Variants in NRG3 observed in about 807,000 individuals in gnomAD.
NRG3 encodes neuregulin 3.
NRG3 carries 31 observed loss-of-function variants against 66.9 expected under a neutral mutation model. That is an observed-to-expected ratio of 0.46 (90% CI 0.35 to 0.63). The LOEUF is 0.63. NRG3 is among the 20% of genes least tolerant of loss of function. The pLI, the probability that NRG3 is intolerant of heterozygous loss-of-function variation, is 0.00. For missense variants in NRG3, 910 were observed against 878.9 expected, an observed-to-expected ratio of 1.04 and a Z score of -0.45; for synonymous variants, 393 against 359.4, an observed-to-expected ratio of 1.09 and a Z score of -1.06.
rs2080975558 is a variant in NRG3, at chr10:82,310,710, T to G, written c.824-48029T>G. Reference sequence around the variant, plus strand: ...TCTATCCAGGGAGGGCGACTACATTTTTGGCAGGGACAAGATACAAAAACT... The same window carrying G: ...TCTATCCAGGGAGGGCGACTACATTGTTGGCAGGGACAAGATACAAAAACT... On this transcript the variant is annotated intron_variant, in intron 1 of 8. Coordinates refer to ENST00000372141, the MANE Select transcript of NRG3 (RefSeq NM_001010848.4). Among the ~76,000 whole-genome samples the G allele has an allele frequency of 2.0e-5, 3 of 152,152 alleles. No homozygotes were observed. The South Asian group carries it at 6.2e-4, about 32-fold the overall frequency.
At chr10:82,379,809 A>G (rs535034871) in intron 2 of NRG3, among the ~76,000 whole-genome samples, 36 of 151,984 alleles carry the variant, frequency 2.4e-4, no homozygotes, top group African/African-American at 8.7e-4. Flanking sequence ...ATTGTAGGAG[A>G]AAACTTCAAG....
rs142160341 is a variant in NRG3, at chr10:82,885,540, G to T, written c.1054+20103G>T. The stretch of plus-strand genomic sequence containing the variant: ...TTGAGTTTGTAAAGCTTCTGGTTAT[G>T]TAAAAGTGAGACTGAAGTAATTAAG... On this transcript the variant is annotated intron_variant, in intron 4 of 8. Transcript: ENST00000372141. Among the ~76,000 whole-genome samples the T allele has an allele frequency of 3.3e-3, 508 of 152,312 alleles. 5 individuals are homozygous for T. The highest frequency in any genetic ancestry group is 0.012 in the African/African-American group (488 of 41,572).
intron 2 of NRG3, among the ~76,000 whole-genome samples, chr10:82,494,820 A>T (rs1843466955): frequency 6.6e-6 from 1 of 152,182 alleles, no homozygotes; most frequent in South Asian, 2.1e-4. Flanking sequence ...CAGAAATTGT[A>T]TGAGCAGTTT....
chr10:81,952,816 G>A (rs1179842756), intron 1 of NRG3, among the ~76,000 whole-genome samples: 10 of 151,774 alleles, frequency 6.6e-5, no homozygotes, highest in Non-Finnish European at 1.2e-4. Flanking sequence ...TTGCTATGTT[G>A]CCCAGGGTGG....
At chr10:82,008,478 T>C (rs892718528) in intron 1 of NRG3, among the ~76,000 whole-genome samples, 2 of 152,222 alleles carry the variant, frequency 1.3e-5, no homozygotes, top group Admixed American at 1.3e-4. Context: ...CAAATATCTG[T>C]TGAATGTCCC....
At chr10:82,658,519 G>A (rs1272494684) in intron 2 of NRG3, among the ~76,000 whole-genome samples, 1 of 151,256 alleles carries the variant, frequency 6.6e-6, no homozygotes, top group Non-Finnish European at 1.5e-5. Flanking sequence ...CTTCTATTCA[G>A]AATTGTGAAT....
At chr10:82,401,010 A>C (rs1431789204) in intron 2 of NRG3, among the ~76,000 whole-genome samples, 1 of 152,170 alleles carries the variant, frequency 6.6e-6, no homozygotes, top group Non-Finnish European at 1.5e-5. Flanking sequence ...AGATGTGCAC[A>C]AGGATGACTA....
chr10:82,640,809 C>A (rs995106444), intron 2 of NRG3, among the ~76,000 whole-genome samples: 1 of 152,000 alleles, frequency 6.6e-6, no homozygotes, highest in African/African-American at 2.4e-5. Context: ...AAATAAGGTG[C>A]ATTATTAATA....
intron 4 of NRG3, among the ~76,000 whole-genome samples, chr10:82,948,333 C>A (rs755745468): frequency 7.2e-5 from 11 of 152,044 alleles, no homozygotes; most frequent in Non-Finnish European, 1.5e-4. Flanking sequence ...TATAAGAAAT[C>A]TTGAAATAAA....
intron 1 of NRG3, among the ~76,000 whole-genome samples, chr10:81,884,414 GTCT>G (rs1245472478): frequency 6.6e-6 from 1 of 152,138 alleles, no homozygotes; most frequent in African/African-American, 2.4e-5. Context: ...TCTGAATGTT[GTCT>G]TCTTGTTTAT....
chr10:82,330,454 A>G (rs1181583954), intron 1 of NRG3, among the ~76,000 whole-genome samples: 1 of 152,198 alleles, frequency 6.6e-6, no homozygotes, highest in Non-Finnish European at 1.5e-5. Flanking sequence ...ACCTTTGACA[A>G]CTGCATGAAA....
In NRG3 at chr10:81,877,995, T is replaced by C. The variant is rs778829062; in HGVS notation, c.823+1832T>C. The C allele has an allele frequency of 6.6e-5, 101 of 1,537,614 alleles. 2 individuals carry two copies. The highest frequency in any genetic ancestry group is 4.1e-5 in the Non-Finnish European group (47 of 1,146,978). ...GGTATACCTCCAACCCTTGTATGCG[T>C]TGGGAGAGGAGGGGGACTACACACG... On this transcript the variant is annotated intron_variant, in intron 1 of 8. Coordinates refer to ENST00000372141, the MANE Select transcript of NRG3 (RefSeq NM_001010848.4).
chr10:82,458,069 C>CTGAG (rs2091353368), intron 2 of NRG3, among the ~76,000 whole-genome samples: 1 of 152,176 alleles, frequency 6.6e-6, no homozygotes, highest in Admixed American at 6.5e-5. Context: ...TGCCACTGGG[C>CTGAG]CTCAGGCCCT....
chr10:82,115,811 G>C (rs1317206750), intron 1 of NRG3, among the ~76,000 whole-genome samples: 1 of 152,078 alleles, frequency 6.6e-6, no homozygotes, highest in Non-Finnish European at 1.5e-5. Context: ...TAAGTACTGG[G>C]TGACTGCTCA....
At chr10:82,217,463 T>C (rs895685718) in intron 1 of NRG3, among the ~76,000 whole-genome samples, 1 of 152,236 alleles carries the variant, frequency 6.6e-6, no homozygotes, top group African/African-American at 2.4e-5. Context: ...ATCTGTGTTT[T>C]AATGTGCTCT....
chr10:82,709,319 T>A (rs1201693057), intron 2 of NRG3, among the ~76,000 whole-genome samples: 2 of 152,042 alleles, frequency 1.3e-5, no homozygotes, highest in East Asian at 3.9e-4. Flanking sequence ...GTCGTTTCTT[T>A]CTTGTTGTTG....
intron 1 of NRG3, among the ~76,000 whole-genome samples, chr10:81,971,736 T>G (rs2133374773): frequency 6.6e-6 from 1 of 152,264 alleles, no homozygotes; most frequent in Admixed American, 6.5e-5. Context: ...CCTGGTGATC[T>G]TGAAAAGGAG....
At chr10:82,473,993 T>C (rs889108881) in intron 2 of NRG3, among the ~76,000 whole-genome samples, 1 of 151,984 alleles carries the variant, frequency 6.6e-6, no homozygotes, top group Non-Finnish European at 1.5e-5. Context: ...CTATCATGTA[T>C]ATGAAGAATT....
rs149568642 is a variant in NRG3, at chr10:82,226,638, C to T, written c.824-132101C>T. Among the ~76,000 whole-genome samples, 287 of 152,256 alleles carry T rather than the reference C, an allele frequency of 1.9e-3. 2 individuals are homozygous for T. Among genetic ancestry groups the T allele is most frequent in the African/African-American group, 6.7e-3 (280 of 41,552 alleles). ...AAATATTGACTGGGTTCTTAACACA[C>T]TTCAGGCATTGTGCATGCTATATGT... On this transcript the variant is annotated intron_variant, in intron 1 of 8. Transcript: ENST00000372141.
Sources: allele counts gnomAD v4.1 joint callset (sites outside exome capture counted in the v4.1 genomes callset), GRCh38; gene constraint gnomAD v4.1.1; transcripts MANE v1.5; gene names NCBI Gene and HGNC (gene_info 2026-07-23, HGNC 2026-07-21).